Variants in NAALADL2 observed in about 807,000 individuals in gnomAD.
NAALADL2 encodes inactive N-acetylated-alpha-linked acidic dipeptidase-like protein 2.
NAALADL2 carries 76 observed loss-of-function variants against 87.2 expected under a neutral mutation model. That is an observed-to-expected ratio of 0.87 (90% CI 0.72 to 1.05). NAALADL2 has a LOEUF of 1.05. Among genes scored for constraint, NAALADL2 ranks in the 50% least tolerant of loss-of-function variants. The pLI, the probability that NAALADL2 is intolerant of heterozygous loss-of-function variation, is 0.00. For synonymous variants in NAALADL2, 354 were observed against 331.0 expected, an observed-to-expected ratio of 1.07 and a Z score of -0.75; for missense variants, 1,089 against 945.8, an observed-to-expected ratio of 1.15 and a Z score of -1.99.
intron 4 of NAALADL2, among the ~76,000 whole-genome samples, chr3:175,320,609 T>A (rs1759731647): frequency 6.6e-6 from 1 of 152,184 alleles, no homozygotes; most frequent in Non-Finnish European, 1.5e-5. Flanking sequence ...TGTGACAGGC[T>A]CAGCCCTGGA....
At chr3:175,062,478 G>C (rs1194380592) in intron 1 of NAALADL2, among the ~76,000 whole-genome samples, 12 of 41,692 alleles carry the variant, frequency 2.9e-4, no homozygotes, top group South Asian at 2.5e-3. Context: ...AAGTTTGGCT[G>C]TGTGTGTGTG....
intron 3 of NAALADL2, among the ~76,000 whole-genome samples, chr3:174,780,954 G>T (rs990701872): frequency 2.0e-5 from 3 of 152,046 alleles, no homozygotes; most frequent in African/African-American, 7.2e-5. Context: ...TCCCTCAGGA[G>T]CTCATGTAAG....
intron 4 of NAALADL2, among the ~76,000 whole-genome samples, chr3:175,284,419 T>G (rs1754730424): frequency 6.6e-6 from 1 of 152,042 alleles, no homozygotes; most frequent in African/African-American, 2.4e-5. Flanking sequence ...TATTATGTCT[T>G]CCATTTGGAA....
chr3:174,807,818 CAT>C (rs1342629636), intron 3 of NAALADL2, among the ~76,000 whole-genome samples: 1 of 151,714 alleles, frequency 6.6e-6, no homozygotes, highest in Non-Finnish European at 1.5e-5. Flanking sequence ...AGGAGAGTTA[CAT>C]TCCTTTATAA....
At chr3:174,713,065 G>T (rs1052194345) in intron 2 of NAALADL2, among the ~76,000 whole-genome samples, 11 of 148,938 alleles carry the variant, frequency 7.4e-5, no homozygotes, top group African/African-American at 2.7e-4. Context: ...TTGGTTTTTT[G>T]TCCTTGCAAT....
intron 2 of NAALADL2, among the ~76,000 whole-genome samples, chr3:175,170,677 G>A (rs927925319): frequency 1.3e-5 from 2 of 150,968 alleles, no homozygotes; most frequent in Admixed American, 6.6e-5. Context: ...AATAATCATT[G>A]GGACATTGTT....
chr3:174,707,230 AGT>A (rs1560160582), intron 2 of NAALADL2, among the ~76,000 whole-genome samples: 2 of 152,094 alleles, frequency 1.3e-5, no homozygotes, highest in African/African-American at 4.8e-5. Flanking sequence ...TGTGGAAGAC[AGT>A]GTGGCGATTC....
In NAALADL2 at chr3:174,603,438, G is replaced by C. The variant is rs566771471; in HGVS notation, c.-115+52801G>C. Among the ~76,000 whole-genome samples, 12 of 151,908 alleles carry C rather than the reference G, an allele frequency of 7.9e-5. No individual in the cohort carries two copies. The East Asian group carries it at 2.3e-3, about 29-fold the overall frequency. ...CACTAATGATTCTTTGAATTTCTGT[G>C]ATATCAGTTGTAATATCTCTTTTTT... On this transcript the variant is annotated intron_variant, in intron 2 of 3. Transcript: ENST00000434257.
At chr3:175,016,478 T>G (rs1750834410) in intron 1 of NAALADL2, among the ~76,000 whole-genome samples, 1 of 151,388 alleles carries the variant, frequency 6.6e-6, no homozygotes, top group South Asian at 2.1e-4. Flanking sequence ...TATGGTAAGA[T>G]TAACCCCTGC....
chr3:174,862,270 G>A (rs1412085077), intron 1 of NAALADL2, among the ~76,000 whole-genome samples: 1 of 151,954 alleles, frequency 6.6e-6, no homozygotes. Context: ...ACCACTGAGT[G>A]GCACTCTATC....
intron 1 of NAALADL2, among the ~76,000 whole-genome samples, chr3:175,084,682 G>T (rs1476846590): frequency 6.6e-6 from 1 of 152,134 alleles, no homozygotes; most frequent in Non-Finnish European, 1.5e-5. Context: ...GTTATTTGGG[G>T]TTTTTCAAAG....
chr3:175,311,024 G>A (rs1269053056), intron 4 of NAALADL2, among the ~76,000 whole-genome samples: 1 of 151,736 alleles, frequency 6.6e-6, no homozygotes, highest in Non-Finnish European at 1.5e-5. Flanking sequence ...TGTGAGGAGT[G>A]GAATCACCTT....
At chr3:174,939,919 G>T (rs890486974) in intron 1 of NAALADL2, among the ~76,000 whole-genome samples, 1 of 151,986 alleles carries the variant, frequency 6.6e-6, no homozygotes, top group Non-Finnish European at 1.5e-5. Flanking sequence ...AGACTATGAG[G>T]GTTTCTGGAT....
chr3:174,540,820 G>A (rs1167901416), intron 1 of NAALADL2: 2 of 152,156 alleles, frequency 1.3e-5, no homozygotes, highest in African/African-American at 2.4e-5. Flanking sequence ...TTGACAACCT[G>A]TTGCCTTGGA....
chr3:174,488,814 A>G (rs1578010826), intron 1 of NAALADL2, among the ~76,000 whole-genome samples: 1 of 151,948 alleles, frequency 6.6e-6, no homozygotes, highest in Non-Finnish European at 1.5e-5. Flanking sequence ...CCTGCCATTC[A>G]CAGCCACAGA....
chr3:174,718,354 A>G (rs554955002), intron 2 of NAALADL2, among the ~76,000 whole-genome samples: 1 of 152,308 alleles, frequency 6.6e-6, no homozygotes, highest in Admixed American at 6.5e-5. Flanking sequence ...GATTATTACA[A>G]AAGCTAAAAT....
At chr3:175,390,641 A>C (rs1184497336) in intron 5 of NAALADL2, among the ~76,000 whole-genome samples, 3 of 152,164 alleles carry the variant, frequency 2.0e-5, no homozygotes, top group Non-Finnish European at 4.4e-5. Flanking sequence ...TTATGCAGCT[A>C]TCAGTTGGGT....
At chr3:175,710,630 A>C (rs1740400221) in intron 11 of NAALADL2, among the ~76,000 whole-genome samples, 1 of 151,464 alleles carries the variant, frequency 6.6e-6, no homozygotes, top group African/African-American at 2.4e-5. Context: ...ACATATAGAC[A>C]CTTTAAATGC....
At chr3:175,133,141 G>T (rs954398648) in intron 2 of NAALADL2, among the ~76,000 whole-genome samples, 1 of 149,154 alleles carries the variant, frequency 6.7e-6, no homozygotes, top group African/African-American at 2.5e-5. Context: ...GGGCAGAGAC[G>T]CTCCTCACTT....
Sources: gnomAD v4.1 joint callset for allele counts (sites outside exome capture counted in the v4.1 genomes callset) on GRCh38, gnomAD v4.1.1 for gene constraint, MANE v1.5 for transcripts, NCBI Gene and HGNC (gene_info 2026-07-23, HGNC 2026-07-21) for gene names.